Variants in SOX5 observed in about 807,000 individuals in gnomAD.
SOX5 encodes the protein transcription factor SOX-5.
A neutral mutation model predicts 92.0 loss-of-function variants in SOX5; 9 were observed. The ratio of observed to expected loss-of-function variants is 0.10; its 90% CI spans 0.06 to 0.17. The LOEUF is 0.17. SOX5 is among the 10% of genes least tolerant of loss of function. The pLI, the probability that SOX5 is intolerant of heterozygous loss-of-function variation, is 1.00. For missense variants in SOX5, 642 were observed against 944.5 expected, an observed-to-expected ratio of 0.68 and a Z score of 4.20; for synonymous variants, 344 against 336.3, an observed-to-expected ratio of 1.02 and a Z score of -0.25.
intron 3 of SOX5, among the ~76,000 whole-genome samples, chr12:23,758,274 T>C (rs1207102650): frequency 6.6e-6 from 1 of 151,920 alleles, no homozygotes; most frequent in African/African-American, 2.4e-5. Context: ...ACTTAGATCA[T>C]GTAACATCCA....
intron 12 of SOX5, among the ~76,000 whole-genome samples, chr12:23,545,688 A>G (rs1271496512): frequency 1.3e-5 from 2 of 152,124 alleles, no homozygotes; most frequent in South Asian, 2.1e-4. Context: ...ATAGAAACTT[A>G]AAAAATGAGC....
intron 1 of SOX5, among the ~76,000 whole-genome samples, chr12:23,913,155 T>A (rs1053387537): frequency 6.9e-6 from 1 of 145,324 alleles, no homozygotes; most frequent in African/African-American, 2.9e-5. Context: ...GCTCCAAATA[T>A]TATCATATTT....
At chr12:23,560,841 G>T (rs1946084623) in intron 11 of SOX5, among the ~76,000 whole-genome samples, 2 of 152,164 alleles carry the variant, frequency 1.3e-5, no homozygotes, top group Admixed American at 1.3e-4. Flanking sequence ...ACAAACTAGA[G>T]TAATACCTGC....
chr12:24,210,174 TA>T (rs1237169968), intron 4 of SOX5, among the ~76,000 whole-genome samples: 34 of 152,198 alleles, frequency 2.2e-4, no homozygotes, highest in African/African-American at 8.2e-4. Context: ...TTTTGTATTA[TA>T]AATGGTTACT....
chr12:24,297,401 C>A (rs1947392741), intron 2 of SOX5, among the ~76,000 whole-genome samples: 1 of 152,324 alleles, frequency 6.6e-6, no homozygotes, highest in African/African-American at 2.4e-5. Context: ...TTTCTCCACA[C>A]AGCATGGGCT....
chr12:23,756,195 G>A (rs768914656), intron 3 of SOX5, among the ~76,000 whole-genome samples: 29 of 151,160 alleles, frequency 1.9e-4, no homozygotes, highest in Non-Finnish European at 3.4e-4. Flanking sequence ...ATCGTGTGGC[G>A]GTAAGCACAC....
intron 7 of SOX5, among the ~76,000 whole-genome samples, chr12:23,651,493 T>C (rs2081558418): frequency 6.6e-6 from 1 of 152,076 alleles, no homozygotes; most frequent in Non-Finnish European, 1.5e-5. Context: ...TATCAAACTC[T>C]TACTATGTGG....
intron 1 of SOX5, among the ~76,000 whole-genome samples, chr12:24,484,535 CTA>C (rs1252621624): frequency 2.6e-5 from 4 of 151,936 alleles, no homozygotes; most frequent in East Asian, 1.9e-4. Flanking sequence ...TATGGTGGGC[CTA>C]TGTGTGTGTG....
intron 4 of SOX5, among the ~76,000 whole-genome samples, chr12:24,093,520 C>T (rs563706784): frequency 2.7e-4 from 39 of 145,122 alleles, no homozygotes; most frequent in Non-Finnish European, 4.7e-4. Context: ...AAGACTCCGT[C>T]TCAAAAAAAA....
intron 3 of SOX5, among the ~76,000 whole-genome samples, chr12:24,256,128 A>G (rs978955685): frequency 2.0e-5 from 3 of 152,240 alleles, no homozygotes; most frequent in Admixed American, 6.5e-5. Context: ...ATGAAAACTG[A>G]TAAGCTATGC....
intron 8 of SOX5, among the ~76,000 whole-genome samples, chr12:23,639,448 CT>C (rs1051101256): frequency 6.6e-6 from 1 of 152,176 alleles, no homozygotes; most frequent in African/African-American, 2.4e-5. Context: ...TCTAAAACCC[CT>C]ATTCCTATAT....
chr12:24,193,815 A>C (rs1044025622), intron 4 of SOX5, among the ~76,000 whole-genome samples: 1 of 152,246 alleles, frequency 6.6e-6, no homozygotes, highest in Non-Finnish European at 1.5e-5. Flanking sequence ...CGTTTTCAAG[A>C]ACTTATAATT....
At chr12:23,997,614 T>C (rs965303175) in intron 4 of SOX5, among the ~76,000 whole-genome samples, 1 of 152,202 alleles carries the variant, frequency 6.6e-6, no homozygotes, top group Non-Finnish European at 1.5e-5. Context: ...TGATGCCTTA[T>C]ACATGAAGAA....
At chr12:24,056,299 T>C (rs542823512) in intron 4 of SOX5, among the ~76,000 whole-genome samples, 1 of 152,286 alleles carries the variant, frequency 6.6e-6, no homozygotes, top group African/African-American at 2.4e-5. Context: ...GCCAAAGAGA[T>C]GAATGATGTT....
intron 2 of SOX5, among the ~76,000 whole-genome samples, chr12:23,869,649 A>T (rs967344803): frequency 6.6e-6 from 1 of 152,092 alleles, no homozygotes; most frequent in African/African-American, 2.4e-5. Context: ...CCAGAATGTA[A>T]ATCAGTTCTA....
intron 1 of SOX5, among the ~76,000 whole-genome samples, chr12:23,924,234 G>T (rs1234795707): frequency 6.6e-6 from 1 of 152,168 alleles, no homozygotes; most frequent in Admixed American, 6.5e-5. Context: ...AGATTAAGCT[G>T]CGAGAAACGT....
chr12:24,073,489 C>T (rs898836949), intron 4 of SOX5, among the ~76,000 whole-genome samples: 1 of 152,100 alleles, frequency 6.6e-6, no homozygotes, highest in African/African-American at 2.4e-5. Flanking sequence ...CATTTCAACA[C>T]CTTATCATGC....
chr12:23,985,937 C>A (rs1950022038), intron 4 of SOX5, among the ~76,000 whole-genome samples: 1 of 152,026 alleles, frequency 6.6e-6, no homozygotes. Context: ...GTGTTTAAAG[C>A]CAGCAATGGT....
chr12:23,922,760 G>A (rs1424266900), intron 1 of SOX5, among the ~76,000 whole-genome samples: 3 of 152,170 alleles, frequency 2.0e-5, no homozygotes, highest in Non-Finnish European at 4.4e-5. Context: ...CTGTAGTGTT[G>A]ATATTGTGCT....
Sources: gnomAD v4.1 joint callset for allele counts (sites outside exome capture counted in the v4.1 genomes callset) on GRCh38, gnomAD v4.1.1 for gene constraint, MANE v1.5 for transcripts, NCBI Gene and HGNC (gene_info 2026-07-23, HGNC 2026-07-21) for gene names.